MMP16: variants seen among roughly 807,000 people sequenced by gnomAD.
MMP16 encodes matrix metallopeptidase 16, also known as matrix metalloproteinase-16.
In MMP16, 12 loss-of-function variants were observed where a neutral mutation model predicts 67.8. The observed-to-expected ratio is 0.18, with a 90% CI of 0.11 to 0.29. MMP16 has a LOEUF of 0.29. Among genes scored for constraint, MMP16 ranks in the 10% least tolerant of loss-of-function variants. MMP16 has a pLI of 1.00. For synonymous variants in MMP16, 249 were observed against 255.9 expected (o/e 0.97, Z 0.26); for missense variants, 475 against 765.7 (o/e 0.62, Z 4.48).
At chr8:88,157,369 T>G (rs1808527958) in intron 4 of MMP16, among the ~76,000 whole-genome samples, 1 of 152,050 alleles carries the variant, frequency 6.6e-6, no homozygotes, top group African/African-American at 2.4e-5. Context: ...ATGCAAATAT[T>G]AAACCATCTT....
chr8:88,069,176 A>T (rs1808508602), intron 7 of MMP16: 1 of 269,258 alleles, frequency 3.7e-6, no homozygotes. Flanking sequence ...AATAATACTG[A>T]ACCCTCTGAC....
chr8:88,205,611 C>G (rs1381035122), intron 1 of MMP16, among the ~76,000 whole-genome samples: 1 of 152,164 alleles, frequency 6.6e-6, no homozygotes, highest in Non-Finnish European at 1.5e-5. Context: ...ACGGCCATTT[C>G]AGTTTTACAG....
At chr8:88,244,321 G>A (rs1473549938) in intron 1 of MMP16, among the ~76,000 whole-genome samples, 1 of 152,174 alleles carries the variant, frequency 6.6e-6, no homozygotes, top group Non-Finnish European at 1.5e-5. Context: ...AAAACAGGTT[G>A]CATTACCTGC....
intron 4 of MMP16, among the ~76,000 whole-genome samples, chr8:88,156,191 C>CT (rs910251183): frequency 2.0e-5 from 3 of 151,792 alleles, no homozygotes; most frequent in Non-Finnish European, 4.4e-5. Flanking sequence ...ACTTTCTCTA[C>CT]TTTTTTTTAA....
chr8:88,217,368 T>C (rs901190909), intron 1 of MMP16, among the ~76,000 whole-genome samples: 9 of 152,138 alleles, frequency 5.9e-5, no homozygotes, highest in African/African-American at 2.2e-4. Context: ...CACATATACA[T>C]GTGCCCATTT....
intron 1 of MMP16, among the ~76,000 whole-genome samples, chr8:88,298,273 A>G (rs1441251969): frequency 6.6e-6 from 1 of 152,208 alleles, no homozygotes; most frequent in Non-Finnish European, 1.5e-5. Flanking sequence ...ACCCCATGTT[A>G]GGATAGTGTA....
At chr8:88,213,920 T>C (rs1253484147) in intron 1 of MMP16, among the ~76,000 whole-genome samples, 1 of 152,200 alleles carries the variant, frequency 6.6e-6, no homozygotes, top group African/African-American at 2.4e-5. Context: ...GGAAATGATC[T>C]ACCTATTCTA....
Position 88,034,538 on chromosome 8 carries a change from A to C in MMP16, c.*6923T>G, listed in dbSNP as rs1586114286. 2 of 152,454 alleles carry C rather than the reference A, an allele frequency of 1.3e-5. No individual in the cohort carries two copies. Among genetic ancestry groups the C allele is most frequent in the African/African-American group, 4.8e-5 (2 of 41,428 alleles). 9.4% of individuals were successfully genotyped at this position (152,454 alleles called of 1,614,324 possible). A position where few individuals can be genotyped will look rare whatever the true frequency, so the allele number is the denominator to read the frequency against. On this transcript the variant is annotated 3_prime_UTR_variant, in exon 10 of 10. Transcript: ENST00000286614. ...AAGAAGTAAATGCCAAAAAGACCTA[A>C]AAACCTAATTTTACTCAGGCAATGG...
intron 1 of MMP16, among the ~76,000 whole-genome samples, chr8:88,241,379 G>C (rs933143339): frequency 6.6e-6 from 1 of 152,044 alleles, no homozygotes; most frequent in Non-Finnish European, 1.5e-5. Flanking sequence ...ATGCATGGAA[G>C]TTTTTTACAT....
chr8:88,235,627 T>G (rs1809928506), intron 1 of MMP16, among the ~76,000 whole-genome samples: 1 of 152,118 alleles, frequency 6.6e-6, no homozygotes, highest in Non-Finnish European at 1.5e-5. Context: ...ATACATCTCT[T>G]AGAAAACTTG....
intron 1 of MMP16, among the ~76,000 whole-genome samples, chr8:88,233,403 T>TCACCATAATGTCCTATCCTTCC (rs1448199294): frequency 6.6e-6 from 1 of 152,130 alleles, no homozygotes; most frequent in African/African-American, 2.4e-5. Flanking sequence ...CTCAGAATAC[T>TCACCATAATGTCCTATCCTTCC]CACCATAATG....
Position 88,158,105 on chromosome 8 carries a change from T to C in MMP16, c.709+9564A>G, listed in dbSNP as rs1435465846. 2.6e-5 allele frequency among the ~76,000 whole-genome samples: 4 copies of C among 152,310 alleles called. No individual in the cohort carries two copies. The East Asian group carries it at 7.7e-4, about 29-fold the overall frequency. On this transcript the variant is annotated intron_variant, in intron 4 of 9. Coordinates refer to ENST00000286614, the MANE Select transcript of MMP16 (RefSeq NM_005941.5). ...ATTTGGGTTGGTTCCAAGTCTTTGC[T>C]ATTGTGAATAGTGCCACAATAAACA...
chr8:88,105,532 T>C (rs1420225536), intron 6 of MMP16, among the ~76,000 whole-genome samples: 2 of 151,488 alleles, frequency 1.3e-5, no homozygotes, highest in Non-Finnish European at 3.0e-5. Context: ...GTAAGAAGCA[T>C]AGTGATGGAA....
intron 6 of MMP16, among the ~76,000 whole-genome samples, chr8:88,076,440 T>C (rs1245649629): frequency 6.6e-6 from 1 of 152,186 alleles, no homozygotes; most frequent in Admixed American, 6.6e-5. Flanking sequence ...GGATGTCAGC[T>C]ATACTACAGT....
chr8:88,149,505 T>C (rs1808361565), intron 4 of MMP16, among the ~76,000 whole-genome samples: 1 of 152,168 alleles, frequency 6.6e-6, no homozygotes, highest in South Asian at 2.1e-4. Context: ...AGCACGCGGC[T>C]GGAGATCTGA....
intron 4 of MMP16, among the ~76,000 whole-genome samples, chr8:88,133,389 T>C (rs903205944): frequency 1.7e-4 from 26 of 151,872 alleles, no homozygotes; most frequent in Non-Finnish European, 3.4e-4. Flanking sequence ...CTCTTTATCA[T>C]TGTCTTGTCC....
intron 1 of MMP16, among the ~76,000 whole-genome samples, chr8:88,237,681 C>CAACAG (rs1554587734): frequency 9.0e-4 from 136 of 151,284 alleles, no homozygotes; most frequent in Middle Eastern, 3.4e-3. Context: ...ACAACAACAA[C>CAACAG]AAAAAACAAC....
Position 88,106,900 on chromosome 8 carries a change from T to C in MMP16, c.1083+9607A>G, listed in dbSNP as rs933098148. Among the ~76,000 whole-genome samples, 4 of 151,202 alleles carry C rather than the reference T, an allele frequency of 2.6e-5. No homozygotes were observed. The South Asian group carries it at 6.2e-4, about 23-fold the overall frequency. On this transcript the variant is annotated intron_variant, in intron 6 of 9. Transcript: ENST00000286614. ...ATTTTCAGCCATGTAGAAATGTCTA[T>C]ATTAAATGTTATTAAATCTATCAAG...
At position 88,034,232 on chromosome 8, in the gene MMP16, T is replaced by C. The variant is rs1808023695; in HGVS notation, c.*7229A>G. 1 of 132,620 alleles carries C rather than the reference T, an allele frequency of 7.5e-6. No individual in the cohort carries two copies. 8.2% of individuals were successfully genotyped at this position (132,620 alleles called of 1,614,324 possible). ...TTCACAAAGGGAAGGGAAAACCAAATCTGTGTAAAAAAAAAAAAAAAAGGC... is the reference window on the plus strand; with the variant it reads ...TTCACAAAGGGAAGGGAAAACCAAACCTGTGTAAAAAAAAAAAAAAAAGGC... On this transcript the variant is annotated 3_prime_UTR_variant, in exon 10 of 10. Transcript: ENST00000286614.
Sources: gnomAD v4.1 joint callset for allele counts (sites outside exome capture counted in the v4.1 genomes callset) on GRCh38, gnomAD v4.1.1 for gene constraint, MANE v1.5 for transcripts, NCBI Gene and HGNC (gene_info 2026-07-23, HGNC 2026-07-21) for gene names.